The following ACAA2 variants were observed in gnomAD, a reference collection of about 807,000 sequenced individuals.
ACAA2 encodes the protein 3-ketoacyl-CoA thiolase, mitochondrial.
Under a neutral mutation model 44.8 loss-of-function variants are expected in ACAA2, and 35 were observed. The observed-to-expected ratio is 0.78, with a 90% CI of 0.60 to 1.04. The LOEUF (loss-of-function observed/expected upper bound fraction) is 1.04, where lower values mean the gene tolerates loss of function less well. Ranked by LOEUF, ACAA2 falls within the 50% of genes least tolerant of loss-of-function variation. The probability of loss-of-function intolerance (pLI) is 0.00; values close to 1 mark genes in which losing one functional copy is unlikely to be tolerated. For synonymous variants in ACAA2, 142 were observed against 166.5 expected, an observed-to-expected ratio of 0.85 and a Z score of 1.13; for missense variants, 468 against 482.6, an observed-to-expected ratio of 0.97 and a Z score of 0.28.
chr18:49,794,600 T>C (rs575331395), intron 4 of ACAA2, among the ~76,000 whole-genome samples, 173 bp from the exon 5 acceptor site: 106 of 152,348 alleles, frequency 7.0e-4, no homozygotes, highest in African/African-American at 2.5e-3. Context: ...TGCAATGTTT[T>C]TGAAAACATT....
rs2023275277 is a variant in ACAA2 at position 49,782,265 on chromosome 18, C to G, written c.*1582G>C. ...AAGCCTGCTGCTTCTCAGTAAGGATCCCAAACAATAAAAGCTGGACTTGCC... is the reference window on the plus strand; with the variant it reads ...AAGCCTGCTGCTTCTCAGTAAGGATGCCAAACAATAAAAGCTGGACTTGCC... On this transcript the variant is annotated 3_prime_UTR_variant, in exon 10 of 10. Coordinates refer to ENST00000285093, the MANE Select transcript of ACAA2 (RefSeq NM_006111.3). 6.6e-6 allele frequency: 1 copy of G among 152,108 alleles called. No individual in the cohort carries two copies. The highest frequency in any genetic ancestry group is 2.4e-5 in the African/African-American group (1 of 41,410). 9.4% of individuals were successfully genotyped at this position (152,108 alleles called of 1,614,324 possible). A position where few individuals can be genotyped will look rare whatever the true frequency, so the allele number is the denominator to read the frequency against.
chr18:49,807,779 C>T (rs903028087), intron 1 of ACAA2, among the ~76,000 whole-genome samples: 1 of 151,136 alleles, frequency 6.6e-6, no homozygotes, highest in Non-Finnish European at 1.5e-5. Context: ...CTACAGTGGC[C>T]GTGTTCACAC....
chr18:49,810,322 T>G (rs1324449828), intron 1 of ACAA2, among the ~76,000 whole-genome samples: 1 of 152,132 alleles, frequency 6.6e-6, no homozygotes, highest in African/African-American at 2.4e-5. Flanking sequence ...AACAAAAATA[T>G]ATAAAGCATC....
At chr18:49,802,946 T>TA in intron 1 of ACAA2, 93 bp from the exon 2 acceptor site, 1 of 1,409,922 alleles carries the variant, frequency 7.1e-7, no homozygotes, top group Non-Finnish European at 1.0e-6. Context: ...TTACACAATT[T>TA]AAAATTAGAT....
chr18:49,783,141 A>G lies in ACAA2; in HGVS notation c.*706T>C, dbSNP rs2023285847. On this transcript the variant is annotated 3_prime_UTR_variant, in exon 10 of 10. Coordinates refer to ENST00000285093, the MANE Select transcript of ACAA2 (RefSeq NM_006111.3). ...AAAGAAGGAAATTCTGACACATGCTACACCATAAGGTGGATGAATCTTGAG... is the reference window on the plus strand; with the variant it reads ...AAAGAAGGAAATTCTGACACATGCTGCACCATAAGGTGGATGAATCTTGAG... The G allele has an allele frequency of 6.6e-6, 1 of 152,274 alleles. No homozygotes were observed. The highest frequency in any genetic ancestry group is 1.5e-5 in the Non-Finnish European group (1 of 68,056). 9.4% of individuals were successfully genotyped at this position (152,274 alleles called of 1,614,324 possible). A position where few individuals can be genotyped will look rare whatever the true frequency, so the allele number is the denominator to read the frequency against.
chr18:49,785,193 A>G lies in ACAA2; in HGVS notation c.1109+4T>C. On this transcript the variant is annotated splice_donor_region_variant and intron_variant, in intron 9 of 9. Coordinates refer to ENST00000285093, the MANE Select transcript of ACAA2 (RefSeq NM_006111.3). ...TCTGAAATGCAGCTATTTCTAGCAA[A>G]TACCTTAATTCGTGAACCAGGTGTG... 6.2e-7 allele frequency: 1 copy of G among 1,607,480 alleles called. No individual in the cohort carries two copies. Among genetic ancestry groups the G allele is most frequent in the Non-Finnish European group, 8.5e-7 (1 of 1,177,910 alleles).
intron 7 of ACAA2, among the ~76,000 whole-genome samples, chr18:49,788,770 C>T (rs772129157): frequency 5.3e-5 from 8 of 152,166 alleles, no homozygotes; most frequent in South Asian, 2.1e-4. Flanking sequence ...CAGAATCCAC[C>T]GTAACAATAT....
At chr18:49,789,838 G>T (rs1052347691) in intron 7 of ACAA2, among the ~76,000 whole-genome samples, 1 of 152,162 alleles carries the variant, frequency 6.6e-6, no homozygotes, top group Non-Finnish European at 1.5e-5. Context: ...ACAAAAATTA[G>T]CCAGGCGTGG....
At chr18:49,790,847 G>A (rs2023389650) in intron 7 of ACAA2, among the ~76,000 whole-genome samples, 1 of 152,152 alleles carries the variant, frequency 6.6e-6, no homozygotes, top group African/African-American at 2.4e-5. Context: ...ACTCACCTGA[G>A]CAAGAGGAAT....
At chr18:49,800,928 T>C (rs1299483965) in intron 2 of ACAA2, among the ~76,000 whole-genome samples, 1 of 149,592 alleles carries the variant, frequency 6.7e-6, no homozygotes, top group Non-Finnish European at 1.5e-5. Flanking sequence ...TATCATCATA[T>C]GTAAAGTTGA....
chr18:49,802,641 G>T, intron 2 of ACAA2, 46 bp downstream of exon 2: 1 of 1,536,844 alleles, frequency 6.5e-7, no homozygotes, highest in South Asian at 1.2e-5. Context: ...TTTAGAAACT[G>T]ATCAAAGAAG....
At chr18:49,809,006 G>A (rs1225762960) in intron 1 of ACAA2, among the ~76,000 whole-genome samples, 1 of 152,112 alleles carries the variant, frequency 6.6e-6, no homozygotes, top group African/African-American at 2.4e-5. Context: ...CACTCCCAGA[G>A]CGGCCATTTA....
intron 1 of ACAA2, among the ~76,000 whole-genome samples, chr18:49,812,061 T>A (rs1240012360): frequency 1.3e-5 from 2 of 152,192 alleles, no homozygotes; most frequent in African/African-American, 4.8e-5. Flanking sequence ...ACCTTTTAAA[T>A]GAAGTGTAAA....
At chr18:49,795,283 A>T (rs1184479590) in intron 4 of ACAA2, among the ~76,000 whole-genome samples, 1 of 152,216 alleles carries the variant, frequency 6.6e-6, no homozygotes, top group Non-Finnish European at 1.5e-5. Flanking sequence ...TAAAAGAATC[A>T]GTTTTTGTTT....
At position 49,787,282 on chromosome 18, in the gene ACAA2, A is replaced by C. The variant is rs1219360899; in HGVS notation, c.954+9T>G. 4.8e-6 allele frequency: 7 copies of C among 1,462,458 alleles called. No homozygotes were observed. In the South Asian group the frequency reaches 5.8e-5, roughly 12 times the overall value. The allele number at this position is 1,462,458 out of a possible 1,614,324, so 90.6% of individuals were successfully genotyped here. ...TGTTAAAAAAAAAAAAAAAAAAAAAAACACTTACCTCTACCAAATCCATGT... is the reference window on the plus strand; with the variant it reads ...TGTTAAAAAAAAAAAAAAAAAAAAACACACTTACCTCTACCAAATCCATGT... On this transcript the variant is annotated intron_variant, in intron 8 of 9. Transcript: ENST00000285093.
chr18:49,812,998 T>C (rs1402793321), intron 1 of ACAA2: 2 of 157,400 alleles, frequency 1.3e-5, no homozygotes, highest in African/African-American at 4.8e-5. Flanking sequence ...GCAGGGCAGG[T>C]CTTCCAGCAG....
chr18:49,792,132 ATCT>A lies in ACAA2; in HGVS notation c.753+17_753+19del. The stretch of plus-strand genomic sequence containing the variant: ...AACACACCAGGAAGAATTCAAGCTA[ATCT>A]GTGTGGTGATACCAACCGATGCATT... On this transcript the variant is annotated intron_variant, in intron 6 of 9. Transcript: ENST00000285093. The A allele has an allele frequency of 1.3e-6, 2 of 1,599,796 alleles. No homozygotes were observed. The highest frequency in any genetic ancestry group is 1.7e-6 in the Non-Finnish European group (2 of 1,169,684).
intron 7 of ACAA2, among the ~76,000 whole-genome samples, chr18:49,791,155 C>T (rs977264650): frequency 3.9e-5 from 6 of 152,178 alleles, no homozygotes; most frequent in Admixed American, 2.0e-4. Flanking sequence ...GTCAGGATCA[C>T]GTAATTCTTC....
intron 7 of ACAA2, among the ~76,000 whole-genome samples, chr18:49,790,999 A>T (rs1245037833): frequency 6.6e-6 from 1 of 152,180 alleles, no homozygotes; most frequent in Admixed American, 6.5e-5. Flanking sequence ...CAATTTTCTC[A>T]TTCACAAAGA....
Sources: gnomAD v4.1 joint callset for allele counts (sites outside exome capture counted in the v4.1 genomes callset) on GRCh38, gnomAD v4.1.1 for gene constraint, MANE v1.5 for transcripts, NCBI Gene and HGNC (gene_info 2026-07-23, HGNC 2026-07-21) for gene names.